Variants in ZNF528 observed in about 807,000 individuals in gnomAD.
ZNF528 encodes the protein zinc finger protein 528.
Under a neutral mutation model 13.3 loss-of-function variants are expected in ZNF528, and 9 were observed. The observed-to-expected ratio is 0.67, with a 90% CI of 0.41 to 1.18. The LOEUF (loss-of-function observed/expected upper bound fraction) is 1.18. Ranked by LOEUF, ZNF528 falls within the 50% of genes most tolerant of loss-of-function variation. The pLI is 0.01. For missense variants in ZNF528, 858 were observed against 745.4 expected, an observed-to-expected ratio of 1.15 and a Z score of -1.76; for synonymous variants, 264 against 254.3, an observed-to-expected ratio of 1.04 and a Z score of -0.36.
rs144350284 is a variant in ZNF528, at chr19:52,406,442, C to G, written c.143-73C>G. The G allele has an allele frequency of 1.4e-4, 214 of 1,551,618 alleles. 2 individuals are homozygous for G. The African/African-American group carries it at 2.6e-3, about 19-fold the overall frequency. On this transcript the variant is annotated intron_variant, in intron 5 of 6. Coordinates refer to ENST00000360465, the MANE Select transcript of ZNF528 (RefSeq NM_032423.3). The stretch of plus-strand genomic sequence containing the variant: ...ATTTATGATTTAATTATAATATCCT[C>G]TCTCCTCCCTAAATACAGGGCTTGG...
rs938505418 is a variant in ZNF528 at position 52,400,700 on chromosome 19, T to A, written c.-136-985T>A. On this transcript the variant is annotated intron_variant, in intron 2 of 6. Transcript: ENST00000360465. The stretch of plus-strand genomic sequence containing the variant: ...CTGCGTGGCTGATTGAAAAAAAAAT[T>A]TTTTTTTTTGAGACAAAGTCTCACT... 4.0e-5 allele frequency among the ~76,000 whole-genome samples: 6 copies of A among 151,282 alleles called. No individual in the cohort carries two copies. The East Asian group carries it at 9.7e-4, about 24-fold the overall frequency.
rs56136198 is a variant in ZNF528 at position 52,400,227 on chromosome 19, A to AACACACACACACACAC, written c.-136-1435_-136-1420dup. On this transcript the variant is annotated intron_variant, in intron 2 of 6. Transcript: ENST00000360465. ...CCCAGATGGAGTTGTTGCCCATTAA[A>AACACACACACACACAC]ACACACACACACACACACACACACA... Among the ~76,000 whole-genome samples, 211 of 144,708 alleles carry AACACACACACACACAC rather than the reference A, an allele frequency of 1.5e-3. 1 individual carries two copies. The highest frequency in any genetic ancestry group is 3.9e-3 in the African/African-American group (152 of 38,952). The allele number at this position is 144,708 out of a possible 152,430, so 94.9% of individuals were successfully genotyped here.
Position 52,405,932 on chromosome 19 carries a change from C to T in ZNF528, c.41C>T (p.Ala14Val). 1 of 1,611,380 alleles carries T rather than the reference C, an allele frequency of 6.2e-7. No homozygotes were observed. Among genetic ancestry groups the T allele is most frequent in the Non-Finnish European group, 8.5e-7 (1 of 1,178,160 alleles). Residue 14 changes from alanine (A) to valine (V), a missense_variant, in exon 5 of 7, where the codon GCC (alanine) becomes GTC (valine). Coordinates refer to ENST00000360465, the MANE Select transcript of ZNF528 (RefSeq NM_032423.3). ...TQGPLKFMDV[A>V]IEFSQEEWKC... is the part of the protein sequence containing the mutation. ...GGACCCTTGAAATTCATGGATGTGGCCATAGAGTTCTCTCAGGAAGAGTGG... is the reference window on the plus strand; with the variant it reads ...GGACCCTTGAAATTCATGGATGTGGTCATAGAGTTCTCTCAGGAAGAGTGG...
chr19:52,416,184 A>C lies in ZNF528; in HGVS notation c.1332A>C (p.Thr444=). ...CTTACAAATGTAATAAATGTGGCAC[A>C]GCGTTTAGAGAGTTTTCAGACCTTA... is the stretch of plus-strand genomic sequence containing the variant. ...EKPYKCNKCG[T]AFREFSDLTA... The change falls in exon 7 of 7, where the codon ACA becomes ACC. Residue 444 remains threonine (T), a synonymous_variant. Transcript: ENST00000360465. The C allele has an allele frequency of 6.2e-7, 1 of 1,613,814 alleles. No individual in the cohort carries two copies. Among genetic ancestry groups the C allele is most frequent in the South Asian group, 1.1e-5 (1 of 91,056 alleles).
rs1284504570 is a variant in ZNF528 at position 52,417,412 on chromosome 19, T to C, written c.*673T>C. The stretch of plus-strand genomic sequence containing the variant: ...ATACTGTTGCAGTTAGCACACTTTC[T>C]CCTGACATAAGTGCACAGAGCTTCA... On this transcript the variant is annotated 3_prime_UTR_variant, in exon 7 of 7. Transcript: ENST00000360465. The C allele has an allele frequency of 6.1e-6, 1 of 165,168 alleles. No individual in the cohort carries two copies. The highest frequency in any genetic ancestry group is 1.3e-5 in the Non-Finnish European group (1 of 77,046). The allele number at this position is 165,168 out of a possible 1,614,324, so 10.2% of individuals were successfully genotyped here. A position where few individuals can be genotyped will look rare whatever the true frequency, so the allele number is the denominator to read the frequency against.
intron 2 of ZNF528, among the ~76,000 whole-genome samples, chr19:52,401,290 G>A (rs1452468288): frequency 6.6e-6 from 1 of 152,138 alleles, no homozygotes; most frequent in African/African-American, 2.4e-5. Context: ...GCATAGCTCA[G>A]ATGACAGACA....
At chr19:52,399,006 TGAAAGATTGGGCA>T (rs1213145679) in intron 2 of ZNF528, among the ~76,000 whole-genome samples, 1 of 151,220 alleles carries the variant, frequency 6.6e-6, no homozygotes, top group Non-Finnish European at 1.5e-5. Context: ...TTAGGGACAA[TGAAAGATTGGGCA>T]GAAAGAGGAA....
At position 52,406,069 on chromosome 19, in the gene ZNF528, C is replaced by A. The variant is rs776380510; in HGVS notation, c.142+36C>A. 4 of 1,588,236 alleles carry A rather than the reference C, an allele frequency of 2.5e-6. No homozygotes were observed. The South Asian group carries it at 4.5e-5, about 18-fold the overall frequency. On this transcript the variant is annotated intron_variant, in intron 5 of 6. Transcript: ENST00000360465. ...TGTCCCCTCAGAAGCCGGGATCTGC[C>A]CTGGTGGATCTCTGAATTGTGTCTT...
chr19:52,405,516 G>A (rs1599821836), intron 4 of ZNF528, among the ~76,000 whole-genome samples: 1 of 152,100 alleles, frequency 6.6e-6, no homozygotes, highest in East Asian at 1.9e-4. Flanking sequence ...GGGTGACAGA[G>A]TGATACCCTG....
At chr19:52,405,877 C>T (rs760381869) in intron 4 of ZNF528, 30 bp from the exon 5 acceptor site, 2 of 1,604,054 alleles carry the variant, frequency 1.2e-6, no homozygotes, top group Non-Finnish European at 1.7e-6. Flanking sequence ...GTGTGCATAC[C>T]TTGTTGCTGA....
intron 2 of ZNF528, among the ~76,000 whole-genome samples, chr19:52,399,634 C>T (rs1195856821): frequency 6.6e-6 from 1 of 152,036 alleles, no homozygotes. Context: ...AAAAACCACA[C>T]ATGAAGATGA....
chr19:52,412,142 A>G (rs763765413), intron 6 of ZNF528: 7 of 152,342 alleles, frequency 4.6e-5, no homozygotes, highest in Admixed American at 6.5e-5. Flanking sequence ...TAAGTTTCCT[A>G]TGTAGTTGTG....
chr19:52,402,415 T>A, intron 4 of ZNF528: 1 of 256,084 alleles, frequency 3.9e-6, no homozygotes, highest in Non-Finnish European at 7.5e-6. Flanking sequence ...CTTTCTTTTT[T>A]TTTTTTGAGA....
chr19:52,416,337 T>A lies in ZNF528; in HGVS notation c.1485T>A (p.Cys495Ter). 1 of 1,614,024 alleles carries A rather than the reference T, an allele frequency of 6.2e-7. No individual in the cohort carries two copies. Among genetic ancestry groups the A allele is most frequent in the East Asian group, 2.2e-5 (1 of 44,870 alleles). Residue 495 changes from cysteine to a stop codon, truncating the protein, a stop_gained, in exon 7 of 7, where the codon TGT (cysteine) becomes TGA (stop). Coordinates refer to ENST00000360465, the MANE Select transcript of ZNF528 (RefSeq NM_032423.3). LOFTEE classifies it low-confidence loss of function (END_TRUNC). Reference protein sequence around the residue: ...RIHTGEKPYKCNRCGKVFSRS... With the variant: ...RIHTGEKPYK ...ATACTGGAGAGAAGCCTTACAAATG[T>A]AACAGATGTGGCAAGGTCTTCAGTC...
chr19:52,411,595 G>C lies in ZNF528; in HGVS notation c.272-3529G>C, dbSNP rs372111224. 6 of 152,274 alleles carry C rather than the reference G, an allele frequency of 3.9e-5. No homozygotes were observed. The East Asian group carries it at 1.2e-3, about 29-fold the overall frequency. 9.4% of individuals were successfully genotyped at this position (152,274 alleles called of 1,614,324 possible). ...AGTTGATCTAGCTTCCCCTGTGTTA[G>C]GGGCCCACACAAGTTTCTCACTAAG... On this transcript the variant is annotated intron_variant, in intron 6 of 6. Coordinates refer to ENST00000360465, the MANE Select transcript of ZNF528 (RefSeq NM_032423.3).
Position 52,402,131 on chromosome 19 carries a change from T to C in ZNF528, c.15+103T>C, listed in dbSNP as rs142580022. 878 of 1,548,708 alleles carry C rather than the reference T, an allele frequency of 5.7e-4. 4 individuals are homozygous for C. The African/African-American group carries it at 0.01, about 18-fold the overall frequency. ...ACTCTGAAGCATCCTGCCTGACACG[T>C]TTGCTTGCACTTACCCATGGCTTCT... On this transcript the variant is annotated intron_variant, in intron 4 of 6. Coordinates refer to ENST00000360465, the MANE Select transcript of ZNF528 (RefSeq NM_032423.3).
At chr19:52,406,956 T>G (rs2122543028) in intron 6 of ZNF528, 3 of 347,996 alleles carry the variant, frequency 8.6e-6, no homozygotes, top group Non-Finnish European at 1.5e-5. Context: ...TCCTATTTAT[T>G]TTTTGGAGAT....
chr19:52,398,672 A>AG, intron 2 of ZNF528, 53 bp downstream of exon 2: 2 of 911,456 alleles, frequency 2.2e-6, no homozygotes, highest in African/African-American at 3.5e-5. Flanking sequence ...AGAAAATAGC[A>AG]GGGGAGAAAA....
In ZNF528 at chr19:52,416,557, G is replaced by T. The variant is rs574626212; in HGVS notation, c.1705G>T (p.Ala569Ser). 15 of 1,614,098 alleles carry T rather than the reference G, an allele frequency of 9.3e-6. No individual in the cohort carries two copies. Among genetic ancestry groups the T allele is most frequent in the Non-Finnish European group, 1.2e-5 (14 of 1,179,996 alleles). ...RGCSGLTAHL[A>S]IHTEKKSHEC... ...GTGTTCAGGCCTTACTGCCCATCTTGCAATCCATACTGAAAAGAAATCTCA... is the reference window on the plus strand; with the variant it reads ...GTGTTCAGGCCTTACTGCCCATCTTTCAATCCATACTGAAAAGAAATCTCA... Residue 569 changes from alanine (A) to serine (S), a missense_variant, in exon 7 of 7, where the codon GCA becomes TCA. By Grantham distance (99) the Ala-to-Ser change is moderately conservative. Transcript: ENST00000360465.
Sources: allele counts gnomAD v4.1 joint callset (sites outside exome capture counted in the v4.1 genomes callset), GRCh38; gene constraint gnomAD v4.1.1; transcripts MANE v1.5; gene names NCBI Gene and HGNC (gene_info 2026-07-23, HGNC 2026-07-21).